GRM7: variants seen among roughly 807,000 people sequenced by gnomAD.
GRM7 encodes the protein metabotropic glutamate receptor 7.
A neutral mutation model predicts 84.5 loss-of-function variants in GRM7; 35 were observed. The ratio of observed to expected loss-of-function variants is 0.41; its 90% CI spans 0.32 to 0.55. The LOEUF (loss-of-function observed/expected upper bound fraction) is 0.55, where lower values mean the gene tolerates loss of function less well. Among genes scored for constraint, GRM7 ranks in the 20% least tolerant of loss-of-function variants. The pLI, the probability that GRM7 is intolerant of heterozygous loss-of-function variation, is 0.19. For synonymous variants in GRM7, 487 were observed against 455.1 expected (o/e 1.07, Z -0.89); for missense variants, 1,003 against 1,194.6 (o/e 0.84, Z 2.36).
intron 4 of GRM7, among the ~76,000 whole-genome samples, chr3:7,339,218 C>G (rs17047158): frequency 0.016 from 2,375 of 152,154 alleles, 55 homozygotes; most frequent in African/African-American, 0.054. Context: ...AGTGGCCATT[C>G]AAAATTTGCT....
At chr3:7,443,047 C>T (rs141265738) in intron 5 of GRM7, among the ~76,000 whole-genome samples, 67 of 151,666 alleles carry the variant, frequency 4.4e-4, no homozygotes, top group Middle Eastern at 3.4e-3. Context: ...CCTCCTCCTC[C>T]TCTTTTTATT....
intron 2 of GRM7, among the ~76,000 whole-genome samples, chr3:7,182,572 T>G (rs1171463632): frequency 6.6e-6 from 1 of 152,246 alleles, no homozygotes; most frequent in Admixed American, 6.5e-5. Context: ...TAGCTCTTGT[T>G]AAACATCAGG....
At chr3:7,398,906 A>G (rs36098016) in intron 4 of GRM7, among the ~76,000 whole-genome samples, 53,234 of 151,576 alleles carry the variant, frequency 0.35, 10,473 homozygotes, top group Non-Finnish European at 0.46. Context: ...TTCTCTGACA[A>G]TTCCTTTCTA....
intron 5 of GRM7, among the ~76,000 whole-genome samples, chr3:7,432,553 C>T (rs1300448631): frequency 6.6e-6 from 1 of 151,952 alleles, no homozygotes; most frequent in African/African-American, 2.4e-5. Flanking sequence ...AACTCCTAAC[C>T]TCAGGCAATC....
chr3:7,737,329 T>C (rs1312801001), intron 9 of GRM7, among the ~76,000 whole-genome samples: 1 of 152,190 alleles, frequency 6.6e-6, no homozygotes, highest in Non-Finnish European at 1.5e-5. Context: ...GAACTACTTA[T>C]GTAGATAAGT....
chr3:7,654,407 C>G (rs1423785538), intron 8 of GRM7, among the ~76,000 whole-genome samples: 3 of 152,104 alleles, frequency 2.0e-5, no homozygotes, highest in African/African-American at 7.3e-5. Flanking sequence ...ATCACCCACT[C>G]CAGTCACCAT....
chr3:7,243,002 G>A (rs372029607), intron 2 of GRM7, among the ~76,000 whole-genome samples: 1 of 152,064 alleles, frequency 6.6e-6, no homozygotes, highest in Non-Finnish European at 1.5e-5. Flanking sequence ...TAAAAATGAA[G>A]TTCAGAAATA....
chr3:7,499,199 T>G, intron 7 of GRM7, among the ~76,000 whole-genome samples: 1 of 152,254 alleles, frequency 6.6e-6, no homozygotes, highest in East Asian at 1.9e-4. Flanking sequence ...CCTCAAAATC[T>G]CTGGGCTTCT....
At chr3:7,553,214 G>A (rs1307871396) in intron 7 of GRM7, among the ~76,000 whole-genome samples, 2 of 152,202 alleles carry the variant, frequency 1.3e-5, no homozygotes, top group Non-Finnish European at 2.9e-5. Flanking sequence ...GGTCACCTTT[G>A]ATCCAATTCC....
At chr3:6,878,378 CGTGTGTGTGTGTGTGTGT>C (rs34132725) in intron 1 of GRM7, among the ~76,000 whole-genome samples, 1 of 141,968 alleles carries the variant, frequency 7.0e-6, no homozygotes, top group Non-Finnish European at 1.5e-5. Flanking sequence ...TATGTGTTTG[CGTGTGTGTGTGTGTGTGT>C]GTGTGTGTGT....
At chr3:7,074,608 T>C (rs1697999405) in intron 1 of GRM7, among the ~76,000 whole-genome samples, 1 of 152,240 alleles carries the variant, frequency 6.6e-6, no homozygotes. Flanking sequence ...AAAGGGACTG[T>C]ATTTTTTATG....
At chr3:7,482,512 G>A (rs1699170055) in intron 7 of GRM7, among the ~76,000 whole-genome samples, 1 of 152,192 alleles carries the variant, frequency 6.6e-6, no homozygotes, top group South Asian at 2.1e-4. Flanking sequence ...TTTTTGAAGG[G>A]AGACAATGCC....
At chr3:7,690,071 T>C (rs920208765) in intron 9 of GRM7, among the ~76,000 whole-genome samples, 2 of 152,104 alleles carry the variant, frequency 1.3e-5, no homozygotes, top group African/African-American at 2.4e-5. Context: ...GGAAAGGCAC[T>C]CAAGGTAGGG....
chr3:7,463,780 A>G (rs962887642), intron 7 of GRM7, among the ~76,000 whole-genome samples: 2 of 152,208 alleles, frequency 1.3e-5, no homozygotes, highest in African/African-American at 2.4e-5. Context: ...ATGTTGGAGC[A>G]ATAGGTAAGA....
chr3:7,149,585 G>A (rs1298081026), intron 2 of GRM7, among the ~76,000 whole-genome samples: 1 of 152,126 alleles, frequency 6.6e-6, no homozygotes, highest in African/African-American at 2.4e-5. Context: ...CAAACCCAAT[G>A]TGTATGGGTA....
chr3:7,600,841 TGCTATTTTGTATGCAAATCTCTTGCTAAA>T (rs1696273780), intron 8 of GRM7, among the ~76,000 whole-genome samples: 2 of 152,302 alleles, frequency 1.3e-5, no homozygotes, highest in South Asian at 4.1e-4. Flanking sequence ...GTTATTTTAT[TGCTATTTTGTATGCAAATCTCTTGCTAAA>T]GTTATTTTAG....
chr3:7,645,716 G>T (rs1698605442), intron 8 of GRM7, among the ~76,000 whole-genome samples: 1 of 152,072 alleles, frequency 6.6e-6, no homozygotes, highest in Admixed American at 6.5e-5. Flanking sequence ...GTGTGGTTCT[G>T]TGTGCTACTG....
At chr3:7,059,756 T>G (rs750121716) in intron 1 of GRM7, among the ~76,000 whole-genome samples, 4 of 151,710 alleles carry the variant, frequency 2.6e-5, no homozygotes, top group Non-Finnish European at 5.9e-5. Flanking sequence ...CTTATAAAAG[T>G]GACCCTAGAG....
chr3:6,992,206 C>T (rs533634426), intron 1 of GRM7, among the ~76,000 whole-genome samples: 1 of 152,144 alleles, frequency 6.6e-6, no homozygotes, highest in Non-Finnish European at 1.5e-5. Context: ...GTGCTACATG[C>T]TCTTTGACAT....
Sources: allele counts gnomAD v4.1 joint callset (sites outside exome capture counted in the v4.1 genomes callset), GRCh38; gene constraint gnomAD v4.1.1; transcripts MANE v1.5; gene names NCBI Gene and HGNC (gene_info 2026-07-23, HGNC 2026-07-21).